The following PCLO variants were observed in gnomAD, a reference collection of about 807,000 sequenced individuals.
PCLO encodes the protein piccolo presynaptic cytomatrix protein.
In PCLO, 82 loss-of-function variants were observed where a neutral mutation model predicts 427.5. The ratio of observed to expected loss-of-function variants is 0.19; its 90% CI spans 0.16 to 0.23. The LOEUF (loss-of-function observed/expected upper bound fraction) is 0.23, where lower values mean the gene tolerates loss of function less well. PCLO is among the 10% of genes least tolerant of loss of function. The probability of loss-of-function intolerance (pLI) is 1.00; values close to 1 mark genes in which losing one functional copy is unlikely to be tolerated. For missense variants in PCLO, 6,239 were observed against 6,115.9 expected, an observed-to-expected ratio of 1.02 and a Z score of -0.67; for synonymous variants, 2,357 against 2,155.4, an observed-to-expected ratio of 1.09 and a Z score of -2.59.
At chr7:82,831,648 A>C (rs1159891217) in intron 16 of PCLO, among the ~76,000 whole-genome samples, 1 of 152,152 alleles carries the variant, frequency 6.6e-6, no homozygotes, top group African/African-American at 2.4e-5. Flanking sequence ...ACAAAAGTTA[A>C]AATGTTCATT....
chr7:82,911,784 A>G (rs954260325), intron 7 of PCLO, among the ~76,000 whole-genome samples: 1 of 151,866 alleles, frequency 6.6e-6, no homozygotes, highest in Admixed American at 6.6e-5. Context: ...CACTACGCCC[A>G]GCTAATTTTT....
At chr7:83,066,264 C>T (rs1055371034) in intron 3 of PCLO, among the ~76,000 whole-genome samples, 3 of 151,940 alleles carry the variant, frequency 2.0e-5, no homozygotes, top group African/African-American at 7.2e-5. Context: ...TGACTTGCTA[C>T]CTTTGTATTG....
At position 82,769,928 on chromosome 7, in the gene PCLO, G is replaced by A. The variant is rs114360996; in HGVS notation, c.15008-8435C>T. 9.6e-3 allele frequency among the ~76,000 whole-genome samples: 1,467 copies of A among 152,142 alleles called. 28 individuals carry two copies. Among genetic ancestry groups the A allele is most frequent in the African/African-American group, 0.033 (1,369 of 41,514 alleles). On this transcript the variant is annotated intron_variant, in intron 22 of 24. Transcript: ENST00000333891. ...ACCAGGAATTCTGGCTTCTAGCCCCGTGAGATGGCAGGCAAGTCATTAAAT... is the reference window on the plus strand; with the variant it reads ...ACCAGGAATTCTGGCTTCTAGCCCCATGAGATGGCAGGCAAGTCATTAAAT...
chr7:82,900,254 C>T (rs1310265350), intron 9 of PCLO, among the ~76,000 whole-genome samples: 4 of 151,604 alleles, frequency 2.6e-5, no homozygotes, highest in East Asian at 1.9e-4. Context: ...ACCTGTTCCA[C>T]GTCCACATGT....
chr7:82,879,070 G>T (rs1793438439), intron 10 of PCLO, among the ~76,000 whole-genome samples: 3 of 152,016 alleles, frequency 2.0e-5, no homozygotes, highest in Admixed American at 2.0e-4. Flanking sequence ...TAATAAAATT[G>T]CCCCAGTCAG....
At position 83,090,990 on chromosome 7, in the gene PCLO, G is replaced by A. The variant is rs146580690; in HGVS notation, c.3300+43260C>T. On this transcript the variant is annotated intron_variant, in intron 3 of 24. Coordinates refer to ENST00000333891, the MANE Select transcript of PCLO (RefSeq NM_033026.6). ...TTGGTACCAATTAGAAACACAGTTT[G>A]TATATAATGTAAGTCCCTTGCCTAA... 2.8e-4 allele frequency among the ~76,000 whole-genome samples: 42 copies of A among 152,178 alleles called. No homozygotes were observed. The East Asian group carries it at 7.9e-3, about 29-fold the overall frequency.
At chr7:82,922,807 T>C (rs180870174) in intron 6 of PCLO, among the ~76,000 whole-genome samples, 11 of 152,178 alleles carry the variant, frequency 7.2e-5, no homozygotes, top group African/African-American at 2.6e-4. Flanking sequence ...ATATCAAAGA[T>C]ATACTTCTAA....
intron 24 of PCLO, 63 bp downstream of exon 24, chr7:82,760,576 G>T: frequency 9.3e-7 from 1 of 1,074,538 alleles, no homozygotes; most frequent in Non-Finnish European, 1.3e-6. Context: ...TTGAATAATG[G>T]GATAAAAATA....
At chr7:82,903,897 T>A (rs1006064953) in intron 8 of PCLO, among the ~76,000 whole-genome samples, 1 of 151,926 alleles carries the variant, frequency 6.6e-6, no homozygotes, top group Non-Finnish European at 1.5e-5. Flanking sequence ...TATTTCCAGC[T>A]GTAAAATTGT....
At chr7:83,059,356 A>AT (rs1309203298) in intron 3 of PCLO, among the ~76,000 whole-genome samples, 3 of 76,078 alleles carry the variant, frequency 3.9e-5, no homozygotes, top group African/African-American at 5.8e-5. Flanking sequence ...TACACCTTTA[A>AT]AATATATATA....
At chr7:83,060,205 C>A (rs969279805) in intron 3 of PCLO, among the ~76,000 whole-genome samples, 98 of 152,052 alleles carry the variant, frequency 6.4e-4, no homozygotes, top group African/African-American at 2.1e-3. Flanking sequence ...AATGGTCAGA[C>A]CTGAGCTTCC....
intron 3 of PCLO, among the ~76,000 whole-genome samples, chr7:82,993,202 G>A (rs1015348138): frequency 2.0e-5 from 3 of 151,210 alleles, no homozygotes; most frequent in Non-Finnish European, 4.4e-5. Flanking sequence ...TCTTATATTG[G>A]CTAAATTTTT....
intron 10 of PCLO, among the ~76,000 whole-genome samples, chr7:82,859,202 G>A (rs1304189342): frequency 7.1e-6 from 1 of 140,272 alleles, no homozygotes; most frequent in African/African-American, 2.7e-5. Context: ...GGAAAGACAG[G>A]CCTGGCTGGC....
chr7:83,114,025 T>TA (rs1247218145), intron 3 of PCLO, among the ~76,000 whole-genome samples: 1 of 152,140 alleles, frequency 6.6e-6, no homozygotes, highest in Non-Finnish European at 1.5e-5. Flanking sequence ...TATGAGAGCT[T>TA]AAAAAATCCT....
At chr7:83,099,959 C>T (rs1355839305) in intron 3 of PCLO, among the ~76,000 whole-genome samples, 2 of 149,098 alleles carry the variant, frequency 1.3e-5, no homozygotes, top group African/African-American at 2.4e-5. Context: ...ACTCATATAA[C>T]AGAAGCTAGA....
chr7:83,090,238 G>A (rs1018407368), intron 3 of PCLO, among the ~76,000 whole-genome samples: 2 of 152,160 alleles, frequency 1.3e-5, no homozygotes, highest in Non-Finnish European at 2.9e-5. Context: ...GGAGGCGGAG[G>A]TTGCCTATGT....
In PCLO at chr7:82,949,567, A is replaced by G. The variant is rs747081511; in HGVS notation, c.11021T>C (p.Met3674Thr). 6.2e-6 allele frequency: 10 copies of G among 1,613,802 alleles called. No homozygotes were observed. The highest frequency in any genetic ancestry group is 1.6e-4 in the Middle Eastern group (1 of 6,084). Reference protein sequence around the residue: ...VPPASPKTAKMMQRSMSDPKP... With the variant: ...VPPASPKTAKTMQRSMSDPKP... ...GGGGTCAGACATAGAACGCTGCATC[A>G]TCTTGGCTGTCTTAGGACTTGCTGG... Residue 3674 changes from methionine to threonine, a missense_variant, in exon 6 of 25, where the codon ATG (methionine) becomes ACG (threonine). Transcript: ENST00000333891.
intron 3 of PCLO, among the ~76,000 whole-genome samples, chr7:83,093,749 T>G (rs1484479369): frequency 7.1e-6 from 1 of 140,810 alleles, no homozygotes; most frequent in Non-Finnish European, 1.5e-5. Context: ...AGCCTCGGCC[T>G]CCCAAAGCGT....
chr7:83,084,832 C>A (rs909811989), intron 3 of PCLO, among the ~76,000 whole-genome samples: 8 of 152,132 alleles, frequency 5.3e-5, no homozygotes, highest in African/African-American at 1.7e-4. Context: ...TGCTTTCAAG[C>A]CTCCACCTGT....
Sources: allele counts gnomAD v4.1 joint callset (sites outside exome capture counted in the v4.1 genomes callset), GRCh38; gene constraint gnomAD v4.1.1; transcripts MANE v1.5; gene names NCBI Gene and HGNC (gene_info 2026-07-23, HGNC 2026-07-21).